Variants in CHRNA3 observed in about 807,000 individuals in gnomAD.
CHRNA3 encodes cholinergic receptor nicotinic alpha 3 subunit.
A neutral mutation model predicts 41.9 loss-of-function variants in CHRNA3; 34 were observed. The ratio of observed to expected loss-of-function variants is 0.81; its 90% CI spans 0.62 to 1.08. The LOEUF is 1.08. Ranked by LOEUF, CHRNA3 falls within the 50% of genes least tolerant of loss-of-function variation. CHRNA3 has a pLI of 0.00. For synonymous variants in CHRNA3, 281 were observed against 265.2 expected, an observed-to-expected ratio of 1.06 and a Z score of -0.58; for missense variants, 542 against 638.3, an observed-to-expected ratio of 0.85 and a Z score of 1.63.
At chr15:78,606,333 C>CAAAAA (rs56305942) in intron 4 of CHRNA3, among the ~76,000 whole-genome samples, 2 of 127,400 alleles carry the variant, frequency 1.6e-5, no homozygotes, top group Non-Finnish European at 3.2e-5. Flanking sequence ...GAAGATGTCT[C>CAAAAA]AAAAAAAAAA....
At chr15:78,609,219 T>C (rs2053344868) in intron 4 of CHRNA3, among the ~76,000 whole-genome samples, 1 of 151,862 alleles carries the variant, frequency 6.6e-6, no homozygotes, top group African/African-American at 2.4e-5. Context: ...ATTCAGGAAA[T>C]ACAGAGAATG....
chr15:78,602,921 A>C (rs1287844056), intron 4 of CHRNA3, among the ~76,000 whole-genome samples: 4 of 152,146 alleles, frequency 2.6e-5, no homozygotes, highest in Non-Finnish European at 5.9e-5. Flanking sequence ...TCAGCCTAAC[A>C]GGTTTCTTCA....
At chr15:78,615,301 G>A (rs780790345) in intron 4 of CHRNA3, among the ~76,000 whole-genome samples, 1 of 152,208 alleles carries the variant, frequency 6.6e-6, no homozygotes, top group Admixed American at 6.5e-5. Flanking sequence ...ACTGTCTGAT[G>A]GCAGGTTTGC....
At position 78,620,900 on chromosome 15, in the gene CHRNA3, GC is replaced by G. The variant is rs2053541572; in HGVS notation, c.-107del. The stretch of plus-strand genomic sequence containing the variant: ...CTCCAGCGCAGACCCCAGACCTGGA[GC>G]CGTGCGGGCGGAGACGCGCGGGGCT... On this transcript the variant is annotated 5_prime_UTR_variant, in exon 1 of 6. Coordinates refer to ENST00000326828, the MANE Select transcript of CHRNA3 (RefSeq NM_000743.5). 4.0e-6 allele frequency: 5 copies of G among 1,248,190 alleles called. No homozygotes were observed. The highest frequency in any genetic ancestry group is 5.0e-6 in the Non-Finnish European group (5 of 997,066). 77.3% of individuals were successfully genotyped at this position (1,248,190 alleles called of 1,614,324 possible).
Position 78,602,131 on chromosome 15 carries a change from G to T in CHRNA3, c.511C>A (p.Gln171Lys). The T allele has an allele frequency of 6.2e-7, 1 of 1,614,094 alleles. No homozygotes were observed. Among genetic ancestry groups the T allele is most frequent in the Non-Finnish European group, 8.5e-7 (1 of 1,180,024 alleles). Residue 171 changes from glutamine (Q) to lysine (K), a missense_variant, in exon 5 of 6, where the codon CAA (glutamine) becomes AAA (lysine). Gln to Lys is a moderately conservative substitution (Grantham distance 53). Transcript: ENST00000326828. ...GAACCGAACTTCATGGTACAGTTTTGGTAATCAAACGGGAAGTAGGTCACG... is the reference window on the plus strand; with the variant it reads ...GAACCGAACTTCATGGTACAGTTTTTGTAATCAAACGGGAAGTAGGTCACG... ...IDVTYFPFDYQNCTMKFGSWS... is the reference protein window; with the variant it reads ...IDVTYFPFDYKNCTMKFGSWS...
chr15:78,600,453 G>A (rs1342342912), intron 5 of CHRNA3, among the ~76,000 whole-genome samples: 2 of 152,154 alleles, frequency 1.3e-5, no homozygotes, highest in East Asian at 1.9e-4. Context: ...CCCTGGGAGT[G>A]TTCTATATCT....
chr15:78,597,560 C>G (rs759183487), intron 5 of CHRNA3, among the ~76,000 whole-genome samples: 12 of 152,196 alleles, frequency 7.9e-5, no homozygotes, highest in East Asian at 1.9e-4. Context: ...GATCAAAAGT[C>G]ATTTTTACTC....
chr15:78,600,719 A>T (rs903329511), intron 5 of CHRNA3, among the ~76,000 whole-genome samples: 2 of 151,968 alleles, frequency 1.3e-5, no homozygotes, highest in African/African-American at 4.8e-5. Context: ...CGGTACAAAA[A>T]AATTAGGGTA....
At chr15:78,604,468 C>T (rs1461540344) in intron 4 of CHRNA3, among the ~76,000 whole-genome samples, 1 of 152,170 alleles carries the variant, frequency 6.6e-6, no homozygotes, top group East Asian at 1.9e-4. Context: ...AGAACATATA[C>T]TAGAGGTTAG....
intron 4 of CHRNA3, among the ~76,000 whole-genome samples, chr15:78,602,653 G>T (rs1163112735): frequency 1.3e-5 from 2 of 152,162 alleles, no homozygotes; most frequent in Non-Finnish European, 2.9e-5. Flanking sequence ...GCCACCCAGG[G>T]TCCCTGAGGC....
At chr15:78,606,148 C>A (rs2053282915) in intron 4 of CHRNA3, among the ~76,000 whole-genome samples, 1 of 151,716 alleles carries the variant, frequency 6.6e-6, no homozygotes, top group Non-Finnish European at 1.5e-5. Flanking sequence ...TGGTGAAACC[C>A]CGTCTCTACC....
intron 4 of CHRNA3, among the ~76,000 whole-genome samples, chr15:78,605,241 A>G (rs973853447): frequency 1.3e-5 from 2 of 152,070 alleles, no homozygotes; most frequent in African/African-American, 4.8e-5. Context: ...GGTTTTTAAA[A>G]TCTCTCTAAA....
chr15:78,594,816 T>A (rs1197748079), downstream of CHRNA3: 1 of 152,238 alleles, frequency 6.6e-6, no homozygotes, highest in Non-Finnish European at 1.5e-5. Flanking sequence ...ATTACAATAA[T>A]AGAATCTTAG....
At position 78,596,480 on chromosome 15, in the gene CHRNA3, G is replaced by T; in HGVS notation, c.*124C>A. 1 of 1,321,178 alleles carries T rather than the reference G, an allele frequency of 7.6e-7. No homozygotes were observed. Among genetic ancestry groups the T allele is most frequent in the Non-Finnish European group, 9.7e-7 (1 of 1,035,010 alleles). 81.8% of individuals were successfully genotyped at this position (1,321,178 alleles called of 1,614,324 possible). A position where few individuals can be genotyped will look rare whatever the true frequency, so the allele number is the denominator to read the frequency against. ...TGATTCCAAGATAAGTGGAAAATAAGTAAACCTCGAAATGCCAAAAACAAA... is the reference window on the plus strand; with the variant it reads ...TGATTCCAAGATAAGTGGAAAATAATTAAACCTCGAAATGCCAAAAACAAA... On this transcript the variant is annotated 3_prime_UTR_variant, in exon 6 of 6. Transcript: ENST00000326828.
intron 4 of CHRNA3, among the ~76,000 whole-genome samples, chr15:78,603,760 T>C (rs992877615): frequency 3.3e-5 from 5 of 152,152 alleles, no homozygotes; most frequent in African/African-American, 1.2e-4. Flanking sequence ...CTAACTATCT[T>C]TCCTCTGGTT....
At chr15:78,603,342 CTTG>C (rs1031775402) in intron 4 of CHRNA3, among the ~76,000 whole-genome samples, 13 of 152,278 alleles carry the variant, frequency 8.5e-5, no homozygotes, top group African/African-American at 3.1e-4. Flanking sequence ...TAGGAATAGT[CTTG>C]TTGGTTTGTT....
chr15:78,601,709 G>A lies in CHRNA3; in HGVS notation c.933C>T (p.Thr311=). 1 of 1,614,122 alleles carries A rather than the reference G, an allele frequency of 6.2e-7. No individual in the cohort carries two copies. Among genetic ancestry groups the A allele is most frequent in the Non-Finnish European group, 8.5e-7 (1 of 1,180,018 alleles). ...IPLIGEYLLF[T]MIFVTLSIVI... Reference sequence around the variant, plus strand: ...CGATGGACAAGGTTACAAAAATCATGGTGAACAGGAGGTACTCTCCAATCA... The same window carrying A: ...CGATGGACAAGGTTACAAAAATCATAGTGAACAGGAGGTACTCTCCAATCA... Residue 311 remains threonine (T), a synonymous_variant, in exon 5 of 6, where the codon ACC becomes ACT. Coordinates refer to ENST00000326828, the MANE Select transcript of CHRNA3 (RefSeq NM_000743.5).
At chr15:78,605,512 C>T (rs1301574988) in intron 4 of CHRNA3, among the ~76,000 whole-genome samples, 2 of 136,494 alleles carry the variant, frequency 1.5e-5, no homozygotes, top group East Asian at 2.4e-4. Context: ...CCTCAAAAGA[C>T]GAGGACCCCA....
intron 5 of CHRNA3, among the ~76,000 whole-genome samples, chr15:78,598,486 C>T (rs1459073458): frequency 6.6e-6 from 1 of 151,910 alleles, no homozygotes; most frequent in Non-Finnish European, 1.5e-5. Context: ...CCTTGACCTC[C>T]CGGGCTCAAG....
Sources: allele counts gnomAD v4.1 joint callset (sites outside exome capture counted in the v4.1 genomes callset), GRCh38; gene constraint gnomAD v4.1.1; transcripts MANE v1.5; gene names NCBI Gene and HGNC (gene_info 2026-07-23, HGNC 2026-07-21).